ADCY10: variants seen among roughly 807,000 people sequenced by gnomAD.
ADCY10 encodes the protein adenylate cyclase type 10.
Under a neutral mutation model 183.3 loss-of-function variants are expected in ADCY10, and 156 were observed. The ratio of observed to expected loss-of-function variants is 0.85; its 90% CI spans 0.75 to 0.97. ADCY10 has a LOEUF of 0.97. Among genes scored for constraint, ADCY10 ranks in the 50% least tolerant of loss-of-function variants. The pLI is 0.00. For synonymous variants in ADCY10, 645 were observed against 670.0 expected (o/e 0.96, Z 0.58); for missense variants, 1,745 against 1,934.3 (o/e 0.90, Z 1.84).
At chr1:167,910,352 G>A (rs1670072443) in intron 1 of ADCY10, among the ~76,000 whole-genome samples, 1 of 152,198 alleles carries the variant, frequency 6.6e-6, no homozygotes, top group African/African-American at 2.4e-5. Flanking sequence ...CATTGACTCT[G>A]GAATGTGAGG....
At chr1:167,880,691 G>C in intron 9 of ADCY10, 82 bp from the exon 10 acceptor site, 1 of 1,065,736 alleles carries the variant, frequency 9.4e-7, no homozygotes. Context: ...ACAGAGAGCC[G>C]GCGGCAATTT....
intron 8 of ADCY10, among the ~76,000 whole-genome samples, chr1:167,885,791 T>A (rs556083937): frequency 6.6e-6 from 1 of 152,124 alleles, no homozygotes; most frequent in Non-Finnish European, 1.5e-5. Flanking sequence ...ATTTTTTGTA[T>A]TTTTAGTAGA....
intron 14 of ADCY10, among the ~76,000 whole-genome samples, chr1:167,865,205 A>G (rs770132773): frequency 2.6e-5 from 4 of 152,232 alleles, no homozygotes; most frequent in Non-Finnish European, 5.9e-5. Flanking sequence ...AGAAGGAGGC[A>G]TAAGAATGTG....
chr1:167,875,736 G>A (rs1183462100), intron 12 of ADCY10, among the ~76,000 whole-genome samples: 2 of 151,840 alleles, frequency 1.3e-5, no homozygotes, highest in Non-Finnish European at 2.9e-5. Flanking sequence ...AGATCACGAG[G>A]TCAGGAGATC....
chr1:167,840,727 C>A (rs1447814665), intron 21 of ADCY10, among the ~76,000 whole-genome samples: 1 of 146,324 alleles, frequency 6.8e-6, no homozygotes, highest in Non-Finnish European at 1.5e-5. Flanking sequence ...TTTCCTACTA[C>A]AAGGAGAATC....
intron 19 of ADCY10, among the ~76,000 whole-genome samples, chr1:167,847,439 G>C (rs1179698280): frequency 6.6e-6 from 1 of 151,590 alleles, no homozygotes; most frequent in Non-Finnish European, 1.5e-5. Context: ...TTTTGAGACA[G>C]AGTTTTTCTC....
rs185895818 is a variant in ADCY10, at chr1:167,905,189, A to G, written c.-49T>C. The G allele has an allele frequency of 4.4e-6, 7 of 1,605,208 alleles. No individual in the cohort carries two copies. In the South Asian group the frequency reaches 7.7e-5, roughly 18 times the overall value. ...TTATGGTGACAGGAAGCAGTCTCCA[A>G]ATAGGTCTTCTAAAAAGAAAATTGA... On this transcript the variant is annotated 5_prime_UTR_variant, in exon 2 of 33. Transcript: ENST00000367851.
intron 18 of ADCY10, among the ~76,000 whole-genome samples, chr1:167,850,342 AT>A (rs1324145938): frequency 6.6e-6 from 1 of 152,082 alleles, no homozygotes; most frequent in Non-Finnish European, 1.5e-5. Context: ...GAAGTTTTAG[AT>A]TTATTAAGTT....
At chr1:167,864,015 C>T (rs1666490055) in intron 14 of ADCY10, among the ~76,000 whole-genome samples, 1 of 152,126 alleles carries the variant, frequency 6.6e-6, no homozygotes, top group South Asian at 2.1e-4. Context: ...GAAGCATGGC[C>T]TGATCTGATC....
At position 167,833,081 on chromosome 1, in the gene ADCY10, A is replaced by G. The variant is rs776156282; in HGVS notation, c.3499T>C (p.Tyr1167His). 4.3e-6 allele frequency: 7 copies of G among 1,614,160 alleles called. No individual in the cohort carries two copies. Among genetic ancestry groups the G allele is most frequent in the Non-Finnish European group, 5.9e-6 (7 of 1,180,024 alleles). ...TGGAGAAACAAGGAGATTAAGTTGT[A>G]AGGAAAGATTCGGTTGAGGAGCTTC... ...ALKLLNRIFP[Y>H]NLISLFLHIH... Residue 1167 changes from tyrosine (Y) to histidine (H), a missense_variant, in exon 25 of 33, where the codon TAC becomes CAC. Transcript: ENST00000367851.
chr1:167,818,382 T>G (rs926811225), intron 30 of ADCY10, 115 bp from the exon 31 acceptor site: 2 of 918,796 alleles, frequency 2.2e-6, no homozygotes, highest in Non-Finnish European at 1.8e-6. Context: ...TGGAAGTGTG[T>G]AGTCTCCTGC....
chr1:167,878,072 A>G (rs1667602649), intron 12 of ADCY10, among the ~76,000 whole-genome samples: 1 of 152,138 alleles, frequency 6.6e-6, no homozygotes, highest in Non-Finnish European at 1.5e-5. Context: ...AATATCTTAT[A>G]CTCTTTTAAC....
chr1:167,867,748 G>T (rs190375545), intron 14 of ADCY10, among the ~76,000 whole-genome samples: 24 of 151,614 alleles, frequency 1.6e-4, no homozygotes, highest in Admixed American at 5.9e-4. Context: ...AATAGCAATC[G>T]GCATAGAATA....
rs369284037 is a variant in ADCY10 at position 167,889,791 on chromosome 1, A to T, written c.828+4062T>A. ...GATGTATGTGTATAGGAGTTTATAC[A>T]TTTCTTCTAGATTTTCCAATTTATT... is the stretch of plus-strand genomic sequence containing the variant. On this transcript the variant is annotated intron_variant, in intron 8 of 32. Transcript: ENST00000367851. 1.6e-4 allele frequency among the ~76,000 whole-genome samples: 24 copies of T among 152,298 alleles called. No individual in the cohort carries two copies. In the East Asian group the frequency reaches 2.7e-3, roughly 17 times the overall value.
chr1:167,819,886 T>C, intron 30 of ADCY10: 2 of 886,172 alleles, frequency 2.3e-6, no homozygotes, highest in African/African-American at 1.7e-5. Context: ...TAGCCAAATA[T>C]TTAAAGCCAA....
At chr1:167,851,655 T>C (rs1473302701) in intron 18 of ADCY10, among the ~76,000 whole-genome samples, 1 of 151,966 alleles carries the variant, frequency 6.6e-6, no homozygotes, top group Admixed American at 6.6e-5. Context: ...ACCCCGTCTC[T>C]ACTAAAAATG....
intron 18 of ADCY10, among the ~76,000 whole-genome samples, chr1:167,852,975 T>C (rs3767457): frequency 0.26 from 40,073 of 151,910 alleles, 5,445 homozygotes; most frequent in East Asian, 0.32. Flanking sequence ...GAGGCAGGGG[T>C]TTTTAGGAAG....
intron 7 of ADCY10, among the ~76,000 whole-genome samples, chr1:167,894,786 A>C (rs1668844530): frequency 6.6e-6 from 1 of 152,172 alleles, no homozygotes; most frequent in South Asian, 2.1e-4. Flanking sequence ...GTTGGTCAGA[A>C]GTGCCGGTGG....
At chr1:167,866,502 A>G (rs1666697146) in intron 14 of ADCY10, among the ~76,000 whole-genome samples, 1 of 142,508 alleles carries the variant, frequency 7.0e-6, no homozygotes, top group Non-Finnish European at 1.5e-5. Flanking sequence ...GGGCTACCTG[A>G]CCTGACGAAA....
Sources: allele counts gnomAD v4.1 joint callset (sites outside exome capture counted in the v4.1 genomes callset), GRCh38; gene constraint gnomAD v4.1.1; transcripts MANE v1.5; gene names NCBI Gene and HGNC (gene_info 2026-07-23, HGNC 2026-07-21).